Variants in DIAPH2 observed in about 807,000 individuals in gnomAD.
DIAPH2 encodes diaphanous related formin 2.
In DIAPH2, 35 loss-of-function variants were observed where a neutral mutation model predicts 92.7. The observed-to-expected ratio is 0.38, with a 90% confidence interval of 0.29 to 0.50. DIAPH2 has a LOEUF of 0.50. Among genes scored for constraint, DIAPH2 ranks in the 20% least tolerant of loss-of-function variants. The probability of loss-of-function intolerance (pLI) is 0.94; values close to 1 mark genes in which losing one functional copy is unlikely to be tolerated. For missense variants in DIAPH2, 701 were observed against 819.5 expected (o/e 0.86, Z 1.77); for synonymous variants, 301 against 280.4 (o/e 1.07, Z -0.73).
rs764885319 is a variant in DIAPH2, at chrX:97,161,977, C to T, written c.2719+20183C>T. ...GATATTTGGAACCTTCTCATTCTGT[C>T]CTCCGAAGTTTAACTTTTCCTTCTT... On this transcript the variant is annotated intron_variant, in intron 22 of 26. Coordinates refer to ENST00000324765, the MANE Select transcript of DIAPH2 (RefSeq NM_006729.5). 3.6e-5 allele frequency among the ~76,000 whole-genome samples: 4 copies of T among 111,448 alleles called. No homozygotes were observed. In the South Asian group the frequency reaches 1.5e-3, roughly 43 times the overall value.
At chrX:97,597,495 T>TGAA (rs2071560755) in intron 26 of DIAPH2, among the ~76,000 whole-genome samples, 2 of 111,407 alleles carry the variant, frequency 1.8e-5, no homozygotes, top group Non-Finnish European at 3.8e-5. Flanking sequence ...GTAGCATTAC[T>TGAA]GAAGTGAAGT....
At chrX:97,369,548 G>A (rs1262393247) in intron 24 of DIAPH2, among the ~76,000 whole-genome samples, 2 of 105,233 alleles carry the variant, frequency 1.9e-5, no homozygotes, top group Non-Finnish European at 2.0e-5. Context: ...TCCTTTTTTT[G>A]TTTGTGTTGC....
At chrX:97,403,287 A>G (rs2069775899) in intron 25 of DIAPH2, among the ~76,000 whole-genome samples, 1 of 112,510 alleles carries the variant, frequency 8.9e-6, no homozygotes, top group Admixed American at 9.4e-5. Flanking sequence ...ATTCATTTCA[A>G]AATGTCTTTT....
intron 17 of DIAPH2, among the ~76,000 whole-genome samples, chrX:97,042,126 G>A (rs1406671199): frequency 9.0e-6 from 1 of 111,354 alleles, no homozygotes; most frequent in Non-Finnish European, 1.9e-5. Context: ...TGATTAAATT[G>A]ATGTACATGC....
chrX:97,051,833 T>A (rs1159115921), intron 17 of DIAPH2, among the ~76,000 whole-genome samples: 2 of 111,705 alleles, frequency 1.8e-5, no homozygotes. Context: ...TTTGAAAATC[T>A]TTTCTCTCAT....
At chrX:97,456,069 A>T (rs766060673) in intron 26 of DIAPH2, among the ~76,000 whole-genome samples, 8 of 112,209 alleles carry the variant, frequency 7.1e-5, no homozygotes, top group Non-Finnish European at 9.4e-5. Flanking sequence ...TTCTACAGAA[A>T]TGCTCATGTC....
chrX:97,114,781 C>T lies in DIAPH2; in HGVS notation c.2405C>T (p.Thr802Ile), dbSNP rs750127659. 6.6e-6 allele frequency: 8 copies of T among 1,210,586 alleles called. No homozygotes were observed. In the Admixed American group the frequency reaches 1.7e-4, roughly 26 times the overall value. Residue 802 changes from threonine to isoleucine, a missense_variant, in exon 21 of 27, where the codon ACA (threonine) becomes ATA (isoleucine). Physicochemically the swap from Thr to Ile is moderately conservative, Grantham distance 89. Around this residue, in one of 3 missense-constraint regions of DIAPH2, gnomAD observed 536 missense variants for 599.3 expected, o/e 0.89. Coordinates refer to ENST00000324765, the MANE Select transcript of DIAPH2 (RefSeq NM_006729.5). The stretch of plus-strand genomic sequence containing the variant: ...CTCAGTAGTATCCTGTTCAAGCTCA[C>T]ATTTGAAGAACACATAAACAACATC... ...PRLSSILFKL[T>I]FEEHINNIKP...
At chrX:97,012,879 GA>G (rs1389520057) in intron 17 of DIAPH2, among the ~76,000 whole-genome samples, 1 of 112,227 alleles carries the variant, frequency 8.9e-6, no homozygotes, top group Non-Finnish European at 1.9e-5. Context: ...TTATAGCTAA[GA>G]ACAGTGCAAA....
intron 4 of DIAPH2, among the ~76,000 whole-genome samples, chrX:96,765,969 T>A (rs1049821765): frequency 1.7e-4 from 19 of 111,452 alleles, no homozygotes; most frequent in African/African-American, 5.9e-4. Flanking sequence ...AAGCTTCCTG[T>A]CAGTCTTAGA....
chrX:97,344,686 C>T (rs182000310), intron 23 of DIAPH2, among the ~76,000 whole-genome samples: 76 of 112,073 alleles, frequency 6.8e-4, no homozygotes, highest in African/African-American at 2.5e-3. Flanking sequence ...CAGAATTTTT[C>T]AGGTTTCCTC....
intron 26 of DIAPH2, among the ~76,000 whole-genome samples, chrX:97,506,081 A>G (rs2070829976): frequency 9.8e-6 from 1 of 102,334 alleles, no homozygotes; most frequent in African/African-American, 3.6e-5. Context: ...CATCATTTTC[A>G]TCCAAAGAAG....
chrX:96,794,037 T>C (rs1254949616), intron 4 of DIAPH2, among the ~76,000 whole-genome samples: 5 of 111,676 alleles, frequency 4.5e-5, no homozygotes, highest in Non-Finnish European at 9.4e-5. Context: ...TTGCTCAAAG[T>C]TCTGGAGGCC....
intron 24 of DIAPH2, among the ~76,000 whole-genome samples, chrX:97,358,121 T>C (rs1187450107): frequency 8.9e-6 from 1 of 112,130 alleles, no homozygotes; most frequent in Non-Finnish European, 1.9e-5. Context: ...TGCCATATGC[T>C]TAGATGAGCA....
chrX:96,830,106 T>G (rs2064841980), intron 4 of DIAPH2, among the ~76,000 whole-genome samples: 1 of 111,306 alleles, frequency 9.0e-6, no homozygotes, highest in South Asian at 3.7e-4. Flanking sequence ...TGCAGGAATT[T>G]ACTGTATGAT....
chrX:97,068,873 A>G (rs1322198662), intron 17 of DIAPH2, among the ~76,000 whole-genome samples: 1 of 112,207 alleles, frequency 8.9e-6, no homozygotes, highest in Non-Finnish European at 1.9e-5. Context: ...ACAAATATGT[A>G]TGCATGAAGT....
intron 5 of DIAPH2, among the ~76,000 whole-genome samples, chrX:96,898,200 CTT>C (rs2065361497): frequency 1.0e-5 from 1 of 96,490 alleles, no homozygotes; most frequent in Non-Finnish European, 2.1e-5. Flanking sequence ...GTGCATGTGT[CTT>C]TATAGCAGCA....
chrX:96,919,478 T>C (rs1436805896), intron 9 of DIAPH2, among the ~76,000 whole-genome samples: 1 of 111,356 alleles, frequency 9.0e-6, no homozygotes, highest in Non-Finnish European at 1.9e-5. Flanking sequence ...CCATGGAAAA[T>C]TCTCTGAATT....
chrX:97,155,807 A>T (rs978334102), intron 22 of DIAPH2, among the ~76,000 whole-genome samples: 1 of 111,572 alleles, frequency 9.0e-6, no homozygotes, highest in Non-Finnish European at 1.9e-5. Flanking sequence ...CAAAATACCT[A>T]CTTGTAACTA....
intron 26 of DIAPH2, among the ~76,000 whole-genome samples, chrX:97,452,203 C>T (rs778680198): frequency 7.4e-4 from 82 of 111,406 alleles, no homozygotes; most frequent in Non-Finnish European, 1.0e-3. Flanking sequence ...AGAAATACAA[C>T]TTGTGCATAC....
Sources: gnomAD v4.1 joint callset for allele counts (sites outside exome capture counted in the v4.1 genomes callset) on GRCh38, gnomAD v4.1.1 for gene constraint, gnomAD v4.1.1 regional missense constraint, MANE v1.5 for transcripts, NCBI Gene and HGNC (gene_info 2026-07-23, HGNC 2026-07-21) for gene names.